Variants in ADAMTSL1 observed in about 807,000 individuals in gnomAD.
ADAMTSL1 encodes the protein ADAMTS like 1, also known as ADAMTS-like protein 1.
Under a neutral mutation model 201.8 loss-of-function variants are expected in ADAMTSL1, and 126 were observed. That is an observed-to-expected ratio of 0.62 (90% CI 0.54 to 0.72). The LOEUF (loss-of-function observed/expected upper bound fraction) is 0.72, where lower values mean the gene tolerates loss of function less well. ADAMTSL1 is among the 30% of genes least tolerant of loss of function. ADAMTSL1 has a pLI of 0.00. For missense variants in ADAMTSL1, 2,679 were observed against 2,277.8 expected (o/e 1.18, Z -3.59); for synonymous variants, 1,121 against 903.4 (o/e 1.24, Z -4.32).
intron 1 of ADAMTSL1, among the ~76,000 whole-genome samples, chr9:18,026,493 A>AT: frequency 6.6e-6 from 1 of 152,026 alleles, no homozygotes; most frequent in East Asian, 1.9e-4. Context: ...AAATCTGTTT[A>AT]TGTGGTGAAT....
In ADAMTSL1 at chr9:18,399,318, T is replaced by TATATATATATATAC. The variant is rs1563934781; in HGVS notation, c.208-105500_208-105499insTACATATATATATA. 7.2e-4 allele frequency among the ~76,000 whole-genome samples: 73 copies of TATATATATATATAC among 100,764 alleles called. 3 individuals are homozygous for TATATATATATATAC. Among genetic ancestry groups the TATATATATATATAC allele is most frequent in the Non-Finnish European group, 8.7e-4 (43 of 49,274 alleles). 66.1% of individuals were successfully genotyped at this position (100,764 alleles called of 152,430 possible). The stretch of plus-strand genomic sequence containing the variant: ...ATATATATATATATATATATATATA[T>TATATATATATATAC]ATATATATATAAAATTATTATTTTC... On this transcript the variant is annotated intron_variant, in intron 2 of 29. Coordinates refer to the ADAMTSL1 transcript ENST00000680146.
intron 2 of ADAMTSL1, among the ~76,000 whole-genome samples, chr9:18,286,633 T>C (rs1833004249): frequency 1.0e-5 from 1 of 100,440 alleles, no homozygotes; most frequent in African/African-American, 2.9e-5. Flanking sequence ...ATAGGGTCTT[T>C]CTGAATCTGT....
In ADAMTSL1 at chr9:18,217,073, C is replaced by T. The variant is rs535669772; in HGVS notation, c.207+53092C>T. Among the ~76,000 whole-genome samples, 189 of 152,202 alleles carry T rather than the reference C, an allele frequency of 1.2e-3. 2 individuals carry two copies. Among genetic ancestry groups the T allele is most frequent in the African/African-American group, 4.4e-3 (184 of 41,538 alleles). On this transcript the variant is annotated intron_variant, in intron 2 of 29. Transcript: ENST00000680146. ...GAGCTTTAAATAAGTGACCAGGAAG[C>T]CCCTCTAGGGAAGGGGCATTTAATC...
intron 1 of ADAMTSL1, among the ~76,000 whole-genome samples, chr9:18,079,663 C>A (rs575381804): frequency 6.7e-6 from 1 of 150,078 alleles, no homozygotes; most frequent in African/African-American, 2.5e-5. Flanking sequence ...GTCTGGGAGA[C>A]AGAGCGAGAC....
At chr9:18,758,643 C>T (rs996093410) in intron 16 of ADAMTSL1, among the ~76,000 whole-genome samples, 1 of 152,182 alleles carries the variant, frequency 6.6e-6, no homozygotes, top group Non-Finnish European at 1.5e-5. Context: ...ACCCTCCTGC[C>T]TCCCTCTTCT....
At chr9:18,560,516 A>T (rs988387888) in intron 3 of ADAMTSL1, among the ~76,000 whole-genome samples, 2 of 152,120 alleles carry the variant, frequency 1.3e-5, no homozygotes, top group South Asian at 2.1e-4. Flanking sequence ...AGGATGATGC[A>T]GGCCTCATAA....
At chr9:18,464,611 C>G (rs1011104144) in intron 2 of ADAMTSL1, among the ~76,000 whole-genome samples, 1 of 152,134 alleles carries the variant, frequency 6.6e-6, no homozygotes, top group Non-Finnish European at 1.5e-5. Context: ...AAAAATTAAT[C>G]ACAATAAGGA....
chr9:18,213,865 G>A (rs1208564343), intron 2 of ADAMTSL1, among the ~76,000 whole-genome samples: 2 of 151,966 alleles, frequency 1.3e-5, no homozygotes, highest in Admixed American at 1.3e-4. Context: ...TCAGCCTCCC[G>A]AGTAGCTGGG....
chr9:18,040,811 T>G (rs901664616), intron 1 of ADAMTSL1, among the ~76,000 whole-genome samples: 3 of 151,944 alleles, frequency 2.0e-5, no homozygotes, highest in African/African-American at 7.3e-5. Flanking sequence ...AAGCCTGGAG[T>G]TATAATTTCT....
chr9:18,631,594 A>T (rs1826777549), intron 5 of ADAMTSL1, among the ~76,000 whole-genome samples: 1 of 152,206 alleles, frequency 6.6e-6, no homozygotes, highest in Non-Finnish European at 1.5e-5. Flanking sequence ...ATAAACTCAG[A>T]TATCAGAATA....
chr9:18,178,451 G>A (rs1368279523), intron 2 of ADAMTSL1, among the ~76,000 whole-genome samples: 1 of 152,146 alleles, frequency 6.6e-6, no homozygotes, highest in African/African-American at 2.4e-5. Flanking sequence ...GGCTGGGGGA[G>A]GGGCGCCCGC....
intron 3 of ADAMTSL1, among the ~76,000 whole-genome samples, chr9:18,557,279 A>T (rs990653587): frequency 5.3e-5 from 8 of 152,000 alleles, no homozygotes; most frequent in African/African-American, 1.7e-4. Flanking sequence ...TCTGGGTGAG[A>T]GGAGACTCTT....
chr9:18,482,004 A>G (rs1821752623), intron 1 of ADAMTSL1, among the ~76,000 whole-genome samples: 2 of 152,222 alleles, frequency 1.3e-5, no homozygotes, highest in African/African-American at 4.8e-5. Context: ...CACGCAAAAA[A>G]CAAATAGATT....
chr9:17,931,595 T>G (rs568183880), intron 1 of ADAMTSL1, among the ~76,000 whole-genome samples: 2 of 152,308 alleles, frequency 1.3e-5, no homozygotes, highest in East Asian at 3.9e-4. Context: ...ACATCGTGCC[T>G]CTTTCAGCTG....
At chr9:18,083,871 A>G (rs1823624593) in intron 1 of ADAMTSL1, among the ~76,000 whole-genome samples, 1 of 152,246 alleles carries the variant, frequency 6.6e-6, no homozygotes, top group Non-Finnish European at 1.5e-5. Flanking sequence ...AGGGCTTACT[A>G]CCTTAGAAAA....
chr9:18,221,899 C>T (rs1381276353), intron 2 of ADAMTSL1, among the ~76,000 whole-genome samples: 1 of 151,846 alleles, frequency 6.6e-6, no homozygotes, highest in Admixed American at 6.6e-5. Flanking sequence ...TTAGAATTTC[C>T]CACCATTATG....
intron 2 of ADAMTSL1, among the ~76,000 whole-genome samples, chr9:18,199,282 T>G (rs1031043671): frequency 1.3e-5 from 2 of 151,980 alleles, no homozygotes; most frequent in Non-Finnish European, 2.9e-5. Context: ...AGAAAAAAAG[T>G]ACGGCTTCTC....
intron 2 of ADAMTSL1, among the ~76,000 whole-genome samples, chr9:18,525,145 C>G (rs1365356544): frequency 6.6e-6 from 1 of 152,130 alleles, no homozygotes; most frequent in East Asian, 1.9e-4. Flanking sequence ...GTCAGGGATT[C>G]AACTTCTTCC....
At chr9:18,534,966 C>T (rs1472568290) in intron 3 of ADAMTSL1, among the ~76,000 whole-genome samples, 1 of 152,164 alleles carries the variant, frequency 6.6e-6, no homozygotes, top group Non-Finnish European at 1.5e-5. Context: ...GGAGGGGCTT[C>T]CAGGAAGGTC....
Sources: gnomAD v4.1 joint callset for allele counts (sites outside exome capture counted in the v4.1 genomes callset) on GRCh38, gnomAD v4.1.1 for gene constraint, MANE v1.5 for transcripts, NCBI Gene and HGNC (gene_info 2026-07-23, HGNC 2026-07-21) for gene names.